CCDC180: variants seen among roughly 807,000 people sequenced by gnomAD.
The protein encoded by CCDC180 is coiled-coil domain-containing protein 180.
CCDC180 carries 154 observed loss-of-function variants against 209.2 expected under a neutral mutation model. That is an observed-to-expected ratio of 0.74 (90% CI 0.65 to 0.84). CCDC180 has a LOEUF of 0.84. Among genes scored for constraint, CCDC180 ranks in the 40% least tolerant of loss-of-function variants. The pLI is 0.00. For synonymous variants in CCDC180, 778 were observed against 749.1 expected (o/e 1.04, Z -0.63); for missense variants, 1,874 against 1,997.3 (o/e 0.94, Z 1.18).
At chr9:97,318,608 A>AG (rs747388742) in intron 10 of CCDC180, 26 bp downstream of exon 10, 14 of 1,607,786 alleles carry the variant, frequency 8.7e-6, no homozygotes, top group Middle Eastern at 1.7e-4. Context: ...GCGGCCCAGG[A>AG]GGGGTGCTTC....
intron 25 of CCDC180, among the ~76,000 whole-genome samples, chr9:97,358,440 C>G (rs112112463): frequency 0.027 from 4,137 of 152,168 alleles, 187 homozygotes; most frequent in African/African-American, 0.094. Context: ...TTCTTTTGAT[C>G]GTAGCACAGA....
intron 4 of CCDC180, 37 bp from the exon 5 acceptor site, chr9:97,313,199 T>G (rs777670172): frequency 1.4e-6 from 2 of 1,421,660 alleles, no homozygotes; most frequent in Admixed American, 3.4e-5. Flanking sequence ...CTGAGAGCTC[T>G]GAAGGCAGCC....
At position 97,360,163 on chromosome 9, in the gene CCDC180, AC is replaced by A. The variant is rs571238953; in HGVS notation, c.3483+64del. The stretch of plus-strand genomic sequence containing the variant: ...GAGCTGTTGTCTGGGCTCCCAGGAG[AC>A]CTGCAGGGCTCAGTAGAGCCAAAGG... On this transcript the variant is annotated intron_variant, in intron 26 of 36. Coordinates refer to ENST00000529487, the MANE Select transcript of CCDC180 (RefSeq NM_020893.6). 6.5e-4 allele frequency: 1,040 copies of A among 1,590,174 alleles called. 2 individuals are homozygous for A. The highest frequency in any genetic ancestry group is 7.5e-4 in the Non-Finnish European group (877 of 1,165,238).
In CCDC180 at chr9:97,314,941, G is replaced by A. The variant is rs1175688730; in HGVS notation, c.790G>A (p.Ala264Thr). ...AGTGTACAGGCTGATAAATGAAGAA[G>A]CCATGGTGAGTGGTTTTCCTGTGCA... Reference protein sequence around the residue: ...PEVYRLINEEAMVMNYALLGN... With the variant: ...PEVYRLINEETMVMNYALLGN... The change falls in exon 8 of 37, where the codon GCC becomes ACC. Residue 264 changes from alanine (A) to threonine (T), a missense_variant. Physicochemically the swap from Ala to Thr is moderately conservative, Grantham distance 58 (BLOSUM62 0). Coordinates refer to ENST00000529487, the MANE Select transcript of CCDC180 (RefSeq NM_020893.6). 2 of 1,613,582 alleles carry A rather than the reference G, an allele frequency of 1.2e-6. No homozygotes were observed. The highest frequency in any genetic ancestry group is 3.3e-5 in the Admixed American group (2 of 60,028).
At chr9:97,353,872 C>G (rs1437362386) in intron 22 of CCDC180, among the ~76,000 whole-genome samples, 2 of 152,084 alleles carry the variant, frequency 1.3e-5, no homozygotes, top group East Asian at 1.9e-4. Context: ...GGATCCAGCT[C>G]TAGGCTATCC....
chr9:97,311,077 C>T lies in CCDC180; in HGVS notation c.261-1036C>T, dbSNP rs186751430. ...CAAAGGGTGCAGGTGTTTGAAGATT[C>T]GGCCAGCTAAGGCCAGTCCACCTAT... On this transcript the variant is annotated intron_variant, in intron 3 of 36. Coordinates refer to ENST00000529487, the MANE Select transcript of CCDC180 (RefSeq NM_020893.6). Among the ~76,000 whole-genome samples, 1,144 of 152,262 alleles carry T rather than the reference C, an allele frequency of 7.5e-3. 10 individuals are homozygous for T. The highest frequency in any genetic ancestry group is 0.026 in the African/African-American group (1,081 of 41,546).
At chr9:97,360,223 A>C in intron 26 of CCDC180, 122 bp downstream of exon 26, 1 of 1,156,704 alleles carries the variant, frequency 8.6e-7, no homozygotes, top group South Asian at 1.5e-5. Flanking sequence ...GCGGGACATC[A>C]GGCTTACTGA....
chr9:97,336,061 G>T (rs1444720269), intron 18 of CCDC180, among the ~76,000 whole-genome samples: 1 of 152,164 alleles, frequency 6.6e-6, no homozygotes, highest in African/African-American at 2.4e-5. Flanking sequence ...TAAGTTATTT[G>T]TAGATTCTGG....
chr9:97,375,458 T>C lies in CCDC180; in HGVS notation c.4711T>C (p.Trp1571Arg). 6.2e-7 allele frequency: 1 copy of C among 1,614,194 alleles called. No individual in the cohort carries two copies. Among genetic ancestry groups the C allele is most frequent in the South Asian group, 1.1e-5 (1 of 91,076 alleles). The change falls in exon 36 of 37, where the codon TGG becomes CGG. Residue 1571 changes from tryptophan (W) to arginine (R), a missense_variant. Physicochemically the swap from Trp to Arg is moderately radical, Grantham distance 101 (BLOSUM62 -3). Transcript: ENST00000529487. ...KPLIERGSRK[W>R]PGIKPTEVTI... is the part of the protein sequence containing the mutation. ...TTCACACATGTTTGTTTGTAGGAAG[T>C]GGCCAGGGATCAAACCCACCGAAGT...
At chr9:97,375,296 T>C (rs1443265169) in intron 35 of CCDC180, among the ~76,000 whole-genome samples, 158 bp from the exon 36 acceptor site, 2 of 152,168 alleles carry the variant, frequency 1.3e-5, no homozygotes, top group African/African-American at 4.8e-5. Context: ...CTTGAACAAG[T>C]GCAGCATTCA....
At chr9:97,344,335 A>G (rs754025888) in intron 19 of CCDC180, among the ~76,000 whole-genome samples, 3 of 152,240 alleles carry the variant, frequency 2.0e-5, no homozygotes, top group Non-Finnish European at 2.9e-5. Context: ...AAGGAGTGCA[A>G]TCAGGCCTTT....
intron 28 of CCDC180, chr9:97,363,740 T>C (rs1021546059): frequency 1.1e-5 from 6 of 524,406 alleles, no homozygotes; most frequent in African/African-American, 7.6e-5. Context: ...TGTTTTTTTT[T>C]CTTTGGGTCC....
intron 18 of CCDC180, among the ~76,000 whole-genome samples, chr9:97,335,948 A>T (rs1040872571): frequency 2.6e-5 from 4 of 152,054 alleles, no homozygotes; most frequent in African/African-American, 7.2e-5. Context: ...GCGTTTTTTC[A>T]TGTGTCTGTT....
At chr9:97,346,094 C>A (rs1267683412) in intron 19 of CCDC180, among the ~76,000 whole-genome samples, 1 of 152,166 alleles carries the variant, frequency 6.6e-6, no homozygotes, top group African/African-American at 2.4e-5. Flanking sequence ...ATACAGATAA[C>A]CAGTTGATCC....
chr9:97,314,788 CT>C, intron 7 of CCDC180, 60 bp downstream of exon 7: 1 of 1,597,116 alleles, frequency 6.3e-7, no homozygotes, highest in Non-Finnish European at 8.6e-7. Flanking sequence ...ATTAGGCATC[CT>C]TCTGTTTCCT....
chr9:97,345,115 G>C (rs1376413178), intron 19 of CCDC180, among the ~76,000 whole-genome samples: 1 of 152,066 alleles, frequency 6.6e-6, no homozygotes, highest in African/African-American at 2.4e-5. Context: ...ATACACATTT[G>C]GTCTTTCCAA....
intron 14 of CCDC180, 66 bp downstream of exon 14, chr9:97,325,258 G>A (rs1833495594): frequency 6.8e-7 from 1 of 1,481,416 alleles, no homozygotes; most frequent in African/African-American, 1.4e-5. Context: ...ACAGATCCTT[G>A]ACCCAAATGG....
chr9:97,376,993 C>A lies in CCDC180; in HGVS notation c.*99C>A. 2 of 1,366,980 alleles carry A rather than the reference C, an allele frequency of 1.5e-6. No homozygotes were observed. The highest frequency in any genetic ancestry group is 2.0e-6 in the Non-Finnish European group (2 of 1,003,582). 84.7% of individuals were successfully genotyped at this position (1,366,980 alleles called of 1,614,324 possible). A position where few individuals can be genotyped will look rare whatever the true frequency, so the allele number is the denominator to read the frequency against. On this transcript the variant is annotated 3_prime_UTR_variant, in exon 37 of 37. Coordinates refer to ENST00000529487, the MANE Select transcript of CCDC180 (RefSeq NM_020893.6). ...TCCGTCCATCCCTCCCTCCCTTCAT[C>A]CCTCCACCCCTGCTCTGTGCCGGGC...
At position 97,354,635 on chromosome 9, in the gene CCDC180, G is replaced by A; in HGVS notation, c.3069G>A (p.Lys1023=). The A allele has an allele frequency of 1.2e-6, 2 of 1,614,208 alleles. No homozygotes were observed. Among genetic ancestry groups the A allele is most frequent in the South Asian group, 1.1e-5 (1 of 91,082 alleles). ...EINSLCSRLE[K]EAARIELVES... ...ATTCACTGTGTTCCCGACTGGAGAA[G>A]GAAGCTGCCCGGATAGAGTTGGTTG... Residue 1023 remains lysine (K), a synonymous_variant, in exon 23 of 37, where the codon AAG becomes AAA. Transcript: ENST00000529487.
Sources: gnomAD v4.1 joint callset for allele counts (sites outside exome capture counted in the v4.1 genomes callset) on GRCh38, gnomAD v4.1.1 for gene constraint, MANE v1.5 for transcripts, NCBI Gene and HGNC (gene_info 2026-07-23, HGNC 2026-07-21) for gene names.